The following CCDC138 variants were observed in gnomAD, a reference collection of about 807,000 sequenced individuals.
The protein encoded by CCDC138 is coiled-coil domain-containing protein 138.
CCDC138 carries 66 observed loss-of-function variants against 82.3 expected under a neutral mutation model. The ratio of observed to expected loss-of-function variants is 0.80; its 90% CI spans 0.66 to 0.98. The LOEUF is 0.98. Ranked by LOEUF, CCDC138 falls within the 50% of genes least tolerant of loss-of-function variation. The pLI is 0.00. For missense variants in CCDC138, 816 were observed against 758.9 expected (o/e 1.08, Z -0.88); for synonymous variants, 297 against 265.4 (o/e 1.12, Z -1.16).
chr2:108,798,002 G>A (rs1681188848), intron 5 of CCDC138, among the ~76,000 whole-genome samples: 1 of 150,250 alleles, frequency 6.7e-6, no homozygotes. Context: ...TAGCTGAGTA[G>A]CATGGGACCA....
chr2:108,800,652 GT>G (rs1681781633), intron 6 of CCDC138, among the ~76,000 whole-genome samples: 1 of 51,804 alleles, frequency 1.9e-5, no homozygotes, highest in Non-Finnish European at 3.4e-5. Context: ...TATACTTTAA[GT>G]TTTAGGGTAC....
chr2:108,809,448 TTGTGTG>T (rs56122981), intron 7 of CCDC138, among the ~76,000 whole-genome samples: 6,460 of 141,096 alleles, frequency 0.046, 333 homozygotes, highest in African/African-American at 0.13. Flanking sequence ...ACATGAAATG[TTGTGTG>T]TGTGTGTGTG....
chr2:108,861,555 A>C (rs1459572484), intron 13 of CCDC138, among the ~76,000 whole-genome samples: 1 of 143,080 alleles, frequency 7.0e-6, no homozygotes, highest in Non-Finnish European at 1.5e-5. Context: ...ATCTTGGCTC[A>C]CTGCAACCTC....
chr2:108,858,465 T>G (rs1008623388), intron 13 of CCDC138, among the ~76,000 whole-genome samples: 2 of 152,116 alleles, frequency 1.3e-5, no homozygotes, highest in African/African-American at 4.8e-5. Flanking sequence ...GATGCGAAAA[T>G]TTTGGAAGTT....
rs1344055922 is a variant in CCDC138, at chr2:108,873,556, T to G, written c.1799T>G (p.Leu600Arg). Reference sequence around the variant, plus strand: ...CTTGATCTTCAAATACTAGAAAAACTCAGTATTATTTTACAGAAACTTTCC... The same window carrying G: ...CTTGATCTTCAAATACTAGAAAAACGCAGTATTATTTTACAGAAACTTTCC... Reference protein sequence around the residue: ...PKLDLQILEKLSIILQKLSKI... With the variant: ...PKLDLQILEKRSIILQKLSKI... The change falls in exon 14 of 15, where the codon CTC (leucine) becomes CGC (arginine). Residue 600 changes from leucine (L) to arginine (R), a missense_variant. By Grantham distance (102) the Leu-to-Arg change is moderately radical. Transcript: ENST00000295124. The G allele has an allele frequency of 6.2e-7, 1 of 1,610,046 alleles. No homozygotes were observed. The highest frequency in any genetic ancestry group is 1.7e-5 in the Admixed American group (1 of 59,408).
intron 7 of CCDC138, among the ~76,000 whole-genome samples, chr2:108,805,598 G>T (rs925776959): frequency 2.0e-5 from 3 of 151,964 alleles, no homozygotes; most frequent in Non-Finnish European, 4.4e-5. Context: ...GTGATGGCGG[G>T]CGCCTGTAGT....
intron 5 of CCDC138, among the ~76,000 whole-genome samples, chr2:108,796,306 T>G (rs904325910): frequency 7.3e-5 from 11 of 151,550 alleles, no homozygotes; most frequent in African/African-American, 2.7e-4. Context: ...CGCCCGCCTC[T>G]GCCTCCCAAA....
intron 4 of CCDC138, among the ~76,000 whole-genome samples, chr2:108,793,631 C>T (rs1010848439): frequency 2.0e-5 from 3 of 151,038 alleles, no homozygotes; most frequent in Non-Finnish European, 4.4e-5. Flanking sequence ...GAGTCTCGCT[C>T]TGTCGCCCAG....
At position 108,860,935 on chromosome 2, in the gene CCDC138, C is replaced by CTTTTT. The variant is rs70956282; in HGVS notation, c.1693+3984_1693+3988dup. 7.9e-4 allele frequency among the ~76,000 whole-genome samples: 30 copies of CTTTTT among 37,926 alleles called. 9 individuals carry two copies. The highest frequency in any genetic ancestry group is 2.7e-3 in the South Asian group (2 of 740). 24.9% of individuals were successfully genotyped at this position (37,926 alleles called of 152,430 possible). A position where few individuals can be genotyped will look rare whatever the true frequency, so the allele number is the denominator to read the frequency against. The stretch of plus-strand genomic sequence containing the variant: ...GGCTGTGAATCCATCTGGTCCAGGA[C>CTTTTT]TTTTTTTTTTTTTTTTTTTTTTTGG... On this transcript the variant is annotated intron_variant, in intron 13 of 14. Transcript: ENST00000295124.
chr2:108,809,511 G>T (rs1008545031), intron 7 of CCDC138, among the ~76,000 whole-genome samples: 1 of 150,334 alleles, frequency 6.7e-6, no homozygotes, highest in African/African-American at 2.4e-5. Flanking sequence ...ATTCATCAGT[G>T]TTTTATAGTT....
At chr2:108,866,736 A>T (rs1694472584) in intron 13 of CCDC138, among the ~76,000 whole-genome samples, 1 of 152,120 alleles carries the variant, frequency 6.6e-6, no homozygotes, top group Non-Finnish European at 1.5e-5. Flanking sequence ...TACAAACATT[A>T]GCTGGACGCG....
intron 13 of CCDC138, among the ~76,000 whole-genome samples, chr2:108,870,988 AGAAT>A (rs1386246242): frequency 1.3e-5 from 2 of 152,202 alleles, no homozygotes; most frequent in African/African-American, 4.8e-5. Flanking sequence ...ACCAATTTAA[AGAAT>A]GAATATAAAT....
At chr2:108,865,720 G>A (rs1694306793) in intron 13 of CCDC138, among the ~76,000 whole-genome samples, 1 of 152,152 alleles carries the variant, frequency 6.6e-6, no homozygotes, top group Non-Finnish European at 1.5e-5. Context: ...CCCATTTAAG[G>A]TGAGTGGTTG....
intron 10 of CCDC138, among the ~76,000 whole-genome samples, chr2:108,830,272 T>C (rs1328683593): frequency 6.6e-6 from 1 of 152,240 alleles, no homozygotes; most frequent in Non-Finnish European, 1.5e-5. Flanking sequence ...AATGGAGAGT[T>C]ATTATTTAAT....
rs553669583 is a variant in CCDC138 at position 108,854,449 on chromosome 2, G to A, written c.1517-2345G>A. The stretch of plus-strand genomic sequence containing the variant: ...ATTATTTTTTAATGAGAGAATTGAT[G>A]TAAAGTTTTAGCAAGTCTGGCATAA... On this transcript the variant is annotated intron_variant, in intron 12 of 14. Transcript: ENST00000295124. 1.1e-4 allele frequency among the ~76,000 whole-genome samples: 16 copies of A among 152,186 alleles called. No homozygotes were observed. The South Asian group carries it at 3.3e-3, about 32-fold the overall frequency.
chr2:108,810,795 G>A (rs150967132), intron 7 of CCDC138, among the ~76,000 whole-genome samples: 61 of 152,330 alleles, frequency 4.0e-4, no homozygotes, highest in Admixed American at 1.2e-3. Flanking sequence ...GTACAGTTCA[G>A]CAGTGAAGCC....
chr2:108,796,287 C>T (rs1352222989), intron 5 of CCDC138, among the ~76,000 whole-genome samples: 2 of 151,874 alleles, frequency 1.3e-5, no homozygotes, highest in Non-Finnish European at 2.9e-5. Context: ...ATCTCCTGAC[C>T]TCGTGATCCG....
chr2:108,816,166 C>A, intron 10 of CCDC138, 61 bp downstream of exon 10: 1 of 1,296,998 alleles, frequency 7.7e-7, no homozygotes, highest in Non-Finnish European at 1.1e-6. Context: ...AAGGAAAAGC[C>A]AGGGCCAGGC....
At chr2:108,831,051 T>TG (rs1375637070) in intron 10 of CCDC138, among the ~76,000 whole-genome samples, 1 of 152,022 alleles carries the variant, frequency 6.6e-6, no homozygotes, top group Non-Finnish European at 1.5e-5. Context: ...GGTGCATAAC[T>TG]GTAATCCCAG....
Sources: allele counts gnomAD v4.1 joint callset (sites outside exome capture counted in the v4.1 genomes callset), GRCh38; gene constraint gnomAD v4.1.1; transcripts MANE v1.5; gene names NCBI Gene and HGNC (gene_info 2026-07-23, HGNC 2026-07-21).